EPB41L2: variants seen among roughly 807,000 people sequenced by gnomAD.
EPB41L2 encodes the protein erythrocyte membrane protein band 4.1 like 2.
Under a neutral mutation model 113.0 loss-of-function variants are expected in EPB41L2, and 43 were observed. The ratio of observed to expected loss-of-function variants is 0.38; its 90% CI spans 0.30 to 0.49. EPB41L2 has a LOEUF of 0.49. EPB41L2 is among the 20% of genes least tolerant of loss of function. The pLI is 0.95. For missense variants in EPB41L2, 1,147 were observed against 1,223.4 expected (o/e 0.94, Z 0.93); for synonymous variants, 442 against 436.7 (o/e 1.01, Z -0.15).
intron 3 of EPB41L2, among the ~76,000 whole-genome samples, chr6:130,929,857 T>TCACACACACACACACACACACACACA (rs140350248): frequency 2.4e-5 from 3 of 123,372 alleles, no homozygotes; most frequent in African/African-American, 5.9e-5. Context: ...AGACAGACAG[T>TCACACACACACACACACACACACACA]CACACACACA....
intron 1 of EPB41L2, among the ~76,000 whole-genome samples, chr6:131,019,827 A>G: frequency 6.6e-6 from 1 of 152,018 alleles, no homozygotes; most frequent in East Asian, 1.9e-4. Context: ...TCCTGTTTTC[A>G]CTGTTCTGGT....
intron 11 of EPB41L2, among the ~76,000 whole-genome samples, chr6:130,886,662 C>T (rs758321732): frequency 1.3e-5 from 2 of 152,132 alleles, no homozygotes; most frequent in Non-Finnish European, 2.9e-5. Context: ...GAGACACAGT[C>T]TCGCTCTGTC....
chr6:130,940,670 T>C lies in EPB41L2; in HGVS notation c.706-13961A>G, dbSNP rs74973896. Among the ~76,000 whole-genome samples the C allele has an allele frequency of 0.011, 1,696 of 152,216 alleles. 175 individuals are homozygous for C. In the East Asian group the frequency reaches 0.26, roughly 23 times the overall value. ...TTAGTAGAGATGGGGTTTCATCACA[T>C]TGGCCAGGTTAGTCTCAAATTCCTG... is the stretch of plus-strand genomic sequence containing the variant. On this transcript the variant is annotated intron_variant, in intron 3 of 19. Coordinates refer to ENST00000337057, the MANE Select transcript of EPB41L2 (RefSeq NM_001431.4).
At chr6:131,054,037 G>A (rs1218760101) in intron 1 of EPB41L2, among the ~76,000 whole-genome samples, 1 of 152,150 alleles carries the variant, frequency 6.6e-6, no homozygotes, top group Admixed American at 6.5e-5. Flanking sequence ...CTATCCCCAT[G>A]TCATGAGGGT....
intron 5 of EPB41L2, among the ~76,000 whole-genome samples, chr6:130,906,556 T>C (rs1303660160): frequency 6.6e-6 from 1 of 152,158 alleles, no homozygotes; most frequent in Non-Finnish European, 1.5e-5. Context: ...AAACAGTCCT[T>C]CTAGCTACAG....
chr6:131,002,098 G>A (rs1295550435), intron 1 of EPB41L2, among the ~76,000 whole-genome samples: 1 of 152,144 alleles, frequency 6.6e-6, no homozygotes. Flanking sequence ...CTGAAGCCAT[G>A]ATTACTGCCT....
chr6:130,874,953 C>T (rs911872742), intron 14 of EPB41L2, among the ~76,000 whole-genome samples: 1 of 152,124 alleles, frequency 6.6e-6, no homozygotes, highest in South Asian at 2.1e-4. Flanking sequence ...ATGAAAAATA[C>T]GTAATATTTC....
rs754048545 is a variant in EPB41L2 at position 130,956,159 on chromosome 6, T to C, written c.327A>G (p.Glu109=). The change falls in exon 2 of 20, where the codon GAA becomes GAG. Residue 109 remains glutamate (E), a synonymous_variant. Transcript: ENST00000337057. ...KKEPTQAVVE[E]QVLDKEEPLP... ...GGGGTTCCTCTTTATCTAAGACCTG[T>C]TCTTCAACAACAGCTTGGGTAGGCT... is the stretch of plus-strand genomic sequence containing the variant. The C allele has an allele frequency of 3.7e-6, 6 of 1,614,206 alleles. No homozygotes were observed. The South Asian group carries it at 5.5e-5, about 15-fold the overall frequency.
intron 1 of EPB41L2, among the ~76,000 whole-genome samples, chr6:130,987,563 T>A (rs1441865211): frequency 1.3e-5 from 2 of 152,036 alleles, no homozygotes; most frequent in Non-Finnish European, 2.9e-5. Flanking sequence ...TGTGGTAGCA[T>A]GCACCTGTAG....
rs371020810 is a variant in EPB41L2, at chr6:130,955,095, C to T, written c.705+10G>A. ...TATCAAGCTAGCTCTCACTCAGCTC[C>T]CTATCTCACCTCCAGGTCACAGCTG... On this transcript the variant is annotated intron_variant, in intron 3 of 19. Transcript: ENST00000337057. 8.1e-6 allele frequency: 13 copies of T among 1,612,734 alleles called. No individual in the cohort carries two copies. In the African/African-American group the frequency reaches 1.7e-4, roughly 22 times the overall value.
intron 1 of EPB41L2, among the ~76,000 whole-genome samples, chr6:131,027,092 G>A (rs1448464338): frequency 1.3e-5 from 2 of 152,020 alleles, no homozygotes; most frequent in Non-Finnish European, 2.9e-5. Flanking sequence ...TACTTACTAC[G>A]TAAGAGATTG....
In EPB41L2 at chr6:130,896,165, A is replaced by G. The variant is rs190791181; in HGVS notation, c.1237-1046T>C. ...ACTCAGAACATTTTGATACCATTTAAATCAGTTTTTTATAAATAAAAGTAT... is the reference window on the plus strand; with the variant it reads ...ACTCAGAACATTTTGATACCATTTAGATCAGTTTTTTATAAATAAAAGTAT... On this transcript the variant is annotated intron_variant, in intron 8 of 19. Transcript: ENST00000337057. 1.5e-3 allele frequency among the ~76,000 whole-genome samples: 223 copies of G among 152,348 alleles called. 2 individuals carry two copies. Among genetic ancestry groups the G allele is most frequent in the African/African-American group, 5.0e-3 (207 of 41,578 alleles).
chr6:130,952,624 C>A (rs1815587195), intron 3 of EPB41L2, among the ~76,000 whole-genome samples: 1 of 151,946 alleles, frequency 6.6e-6, no homozygotes, highest in Non-Finnish European at 1.5e-5. Flanking sequence ...ACCATCCTGG[C>A]CATGGTGGAA....
Position 130,858,229 on chromosome 6 carries a change from C to T in EPB41L2, c.2925G>A (p.Ala975=), listed in dbSNP as rs139869012. The stretch of plus-strand genomic sequence containing the variant: ...GGTGCTGCTCTCTGGCTTCCCTGAT[C>T]GCCTGAGCCAGTGCCTGCCAGGGTC... The part of the protein sequence containing the change: ...DIDHDQALAQ[A]IREAREQHPD... Residue 975 remains alanine, a synonymous_variant, in exon 19 of 20, where the codon GCG becomes GCA. Coordinates refer to ENST00000337057, the MANE Select transcript of EPB41L2 (RefSeq NM_001431.4). 9.8e-5 allele frequency: 158 copies of T among 1,612,268 alleles called. 1 individual carries two copies. In the African/African-American group the frequency reaches 1.9e-3, roughly 19 times the overall value.
rs79560222 is a variant in EPB41L2, at chr6:130,879,856, T to C, written c.1896+288A>G. Among the ~76,000 whole-genome samples, 1,743 of 152,320 alleles carry C rather than the reference T, an allele frequency of 0.011. 189 individuals are homozygous for C. The East Asian group carries it at 0.26, about 23-fold the overall frequency. ...CTAGAGTTAACCCTTTAGGAGAGAA[T>C]AGGTTTACTTGTAGAACAACTTCAA... On this transcript the variant is annotated intron_variant, in intron 13 of 19. Transcript: ENST00000337057.
chr6:131,054,320 C>A (rs1221741692), intron 1 of EPB41L2, among the ~76,000 whole-genome samples: 1 of 138,816 alleles, frequency 7.2e-6, no homozygotes, highest in Non-Finnish European at 1.7e-5. Context: ...CCCTATAGGA[C>A]CCTGTCTCTA....
intron 1 of EPB41L2, among the ~76,000 whole-genome samples, chr6:131,037,815 T>C (rs1793660691): frequency 6.6e-6 from 1 of 152,084 alleles, no homozygotes; most frequent in Non-Finnish European, 1.5e-5. Flanking sequence ...TCTCAAACTC[T>C]TGAGCTCAAG....
chr6:130,903,112 G>A (rs1193428654), intron 6 of EPB41L2, among the ~76,000 whole-genome samples: 1 of 152,080 alleles, frequency 6.6e-6, no homozygotes, highest in East Asian at 1.9e-4. Flanking sequence ...GAAAACCAAA[G>A]TACTGATGCT....
At chr6:131,008,736 A>C (rs910205486) in intron 1 of EPB41L2, among the ~76,000 whole-genome samples, 7 of 152,222 alleles carry the variant, frequency 4.6e-5, no homozygotes, top group African/African-American at 1.2e-4. Context: ...TGAGACATGG[A>C]GTCAAAGGAG....
Sources: allele counts gnomAD v4.1 joint callset (sites outside exome capture counted in the v4.1 genomes callset), GRCh38; gene constraint gnomAD v4.1.1; transcripts MANE v1.5; gene names NCBI Gene and HGNC (gene_info 2026-07-23, HGNC 2026-07-21).